The following CRYBG3 variants were observed in gnomAD, a reference collection of about 807,000 sequenced individuals.
CRYBG3 encodes very large A-kinase anchor protein.
Under a neutral mutation model 244.2 loss-of-function variants are expected in CRYBG3, and 127 were observed. That is an observed-to-expected ratio of 0.52 (90% CI 0.45 to 0.60). The LOEUF is 0.60. Ranked by LOEUF, CRYBG3 falls within the 20% of genes least tolerant of loss-of-function variation. The pLI is 0.00. For synonymous variants in CRYBG3, 1,132 were observed against 1,195.8 expected (o/e 0.95, Z 1.10); for missense variants, 3,325 against 3,442.5 (o/e 0.97, Z 0.85).
At chr3:97,899,313 A>C (rs771338839) in intron 14 of CRYBG3, 50 bp downstream of exon 14, 1 of 1,556,348 alleles carries the variant, frequency 6.4e-7, no homozygotes, top group Non-Finnish European at 8.7e-7. Flanking sequence ...ATAGTATGCA[A>C]TTAAATATGT....
At chr3:97,942,223 C>A in intron 20 of CRYBG3, 61 bp from the exon 21 acceptor site, 1 of 1,471,122 alleles carries the variant, frequency 6.8e-7, no homozygotes, top group South Asian at 1.3e-5. Context: ...TAAAAGGGAC[C>A]TAATTCAACT....
chr3:97,845,583 C>A (rs759447808), intron 2 of CRYBG3, among the ~76,000 whole-genome samples: 5 of 152,182 alleles, frequency 3.3e-5, no homozygotes, highest in Admixed American at 1.3e-4. Flanking sequence ...GCTTCATTCA[C>A]ATCTACTTTG....
rs558158852 is a variant in CRYBG3, at chr3:97,831,766, C to T, written c.149+9411C>T. On this transcript the variant is annotated intron_variant, in intron 1 of 21. Coordinates refer to ENST00000389622, the MANE Select transcript of CRYBG3 (RefSeq NM_153605.4). Reference sequence around the variant, plus strand: ...TAGAAGATAACATTTGAAATGTTCCCGACACAAAGAAACGATAAAAGTTTT... The same window carrying T: ...TAGAAGATAACATTTGAAATGTTCCTGACACAAAGAAACGATAAAAGTTTT... Among the ~76,000 whole-genome samples, 15 of 152,028 alleles carry T rather than the reference C, an allele frequency of 9.9e-5. No individual in the cohort carries two copies. In the South Asian group the frequency reaches 1.9e-3, roughly 19 times the overall value.
At chr3:97,940,977 G>A (rs1235279389) in intron 19 of CRYBG3, among the ~76,000 whole-genome samples, 171 bp from the exon 20 acceptor site, 1 of 151,826 alleles carries the variant, frequency 6.6e-6, no homozygotes, top group Non-Finnish European at 1.5e-5. Context: ...TATGCTCCAC[G>A]GCCTAAGGAT....
chr3:97,938,040 G>A (rs1242633587), intron 19 of CRYBG3, among the ~76,000 whole-genome samples: 1 of 151,990 alleles, frequency 6.6e-6, no homozygotes, highest in Non-Finnish European at 1.5e-5. Flanking sequence ...ATGGAAGGTG[G>A]AAAACCCAAG....
chr3:97,864,155 C>T (rs1280313506), intron 2 of CRYBG3, 62 bp from the exon 3 acceptor site: 5 of 1,267,238 alleles, frequency 3.9e-6, no homozygotes, highest in African/African-American at 1.5e-5. Context: ...TTTATAATAG[C>T]TTATCAGTCT....
intron 16 of CRYBG3, among the ~76,000 whole-genome samples, chr3:97,913,488 G>A (rs912390980): frequency 1.3e-5 from 2 of 152,134 alleles, no homozygotes; most frequent in African/African-American, 4.8e-5. Flanking sequence ...AAACCAATAG[G>A]CACAGCTGCG....
At chr3:97,827,021 G>A (rs2038586906) in intron 1 of CRYBG3, among the ~76,000 whole-genome samples, 1 of 152,198 alleles carries the variant, frequency 6.6e-6, no homozygotes, top group South Asian at 2.1e-4. Flanking sequence ...CAGCATAGTG[G>A]GGGAAACATG....
chr3:97,940,116 G>GATGTTGGGTGTC (rs1307950993), intron 19 of CRYBG3, among the ~76,000 whole-genome samples: 1 of 152,126 alleles, frequency 6.6e-6, no homozygotes, highest in East Asian at 1.9e-4. Context: ...CAAAGGTGGG[G>GATGTTGGGTGTC]ATGTTGGGTG....
chr3:97,822,462 C>T lies in CRYBG3; in HGVS notation c.149+107C>T, dbSNP rs377564921. ...GCCGCTCTTGGGCCAGGCTGCAGTTCGCTCGCCACTTTCTGTTCTCCTTCC... is the reference window on the plus strand; with the variant it reads ...GCCGCTCTTGGGCCAGGCTGCAGTTTGCTCGCCACTTTCTGTTCTCCTTCC... On this transcript the variant is annotated intron_variant, in intron 1 of 21. Coordinates refer to ENST00000389622, the MANE Select transcript of CRYBG3 (RefSeq NM_153605.4). 9.6e-5 allele frequency: 104 copies of T among 1,080,122 alleles called. 1 individual carries two copies. The East Asian group carries it at 1.3e-3, about 14-fold the overall frequency. The allele number at this position is 1,080,122 out of a possible 1,614,324, so 66.9% of individuals were successfully genotyped here. A position where few individuals can be genotyped will look rare whatever the true frequency, so the allele number is the denominator to read the frequency against.
intron 2 of CRYBG3, among the ~76,000 whole-genome samples, chr3:97,853,812 G>A (rs2039024058): frequency 6.6e-6 from 1 of 150,996 alleles, no homozygotes; most frequent in African/African-American, 2.4e-5. Flanking sequence ...GTTTTGATTT[G>A]CATTTCCCTG....
chr3:97,934,225 T>C (rs1345549279), intron 18 of CRYBG3, among the ~76,000 whole-genome samples: 1 of 152,102 alleles, frequency 6.6e-6, no homozygotes, highest in Non-Finnish European at 1.5e-5. Context: ...ACCAGTATTG[T>C]TGTTCATTTA....
At chr3:97,832,788 C>A (rs911785872) in intron 1 of CRYBG3, among the ~76,000 whole-genome samples, 1 of 152,146 alleles carries the variant, frequency 6.6e-6, no homozygotes, top group African/African-American at 2.4e-5. Flanking sequence ...AGGCAACCTA[C>A]AGGATGGGAG....
chr3:97,872,191 T>C lies in CRYBG3; in HGVS notation c.997T>C (p.Leu333=). Residue 333 remains leucine, a synonymous_variant, in exon 4 of 22, where the codon TTA becomes CTA. Coordinates refer to ENST00000389622, the MANE Select transcript of CRYBG3 (RefSeq NM_153605.4). ...LQNIASSNNL[L]NKNAWGSIER... ...GAATATTGCCTCTTCCAATAATCTT[T>C]TAAATAAAAATGCTTGGGGGAGTAT... 1 of 1,535,802 alleles carries C rather than the reference T, an allele frequency of 6.5e-7. No homozygotes were observed.
intron 2 of CRYBG3, among the ~76,000 whole-genome samples, chr3:97,844,701 G>A (rs955400993): frequency 1.3e-5 from 2 of 152,162 alleles, no homozygotes; most frequent in Non-Finnish European, 2.9e-5. Flanking sequence ...ATTTCCAGTA[G>A]TGCTGTTTTC....
Position 97,879,713 on chromosome 3 carries a change from A to C in CRYBG3, c.6853A>C (p.Lys2285Gln), listed in dbSNP as rs1180694073. 1 of 1,603,410 alleles carries C rather than the reference A, an allele frequency of 6.2e-7. No individual in the cohort carries two copies. Among genetic ancestry groups the C allele is most frequent in the South Asian group, 1.1e-5 (1 of 88,198 alleles). Residue 2285 changes from lysine to glutamine, a missense_variant, in exon 5 of 22, where the codon AAA becomes CAA. By Grantham distance (53) the Lys-to-Gln change is moderately conservative. This residue lies in a region of CRYBG3 where 450 missense variants were observed against 424.1 expected (regional missense o/e 1.06). Transcript: ENST00000389622. ...ACTTTTATTATTTCAGAATGTTGAC[A>C]AACAAACTCTGAGATGTAACCCAAG... ...RLSPFIENVD[K>Q]QTLRCNPRPG...
At chr3:97,864,123 C>T in intron 2 of CRYBG3, 94 bp from the exon 3 acceptor site, 1 of 982,292 alleles carries the variant, frequency 1.0e-6, no homozygotes, top group Non-Finnish European at 1.5e-6. Flanking sequence ...AAATGTATCC[C>T]TGGTGTCTAC....
At chr3:97,838,160 G>GT (rs1223084078) in intron 1 of CRYBG3, among the ~76,000 whole-genome samples, 1 of 152,116 alleles carries the variant, frequency 6.6e-6, no homozygotes, top group South Asian at 2.1e-4. Flanking sequence ...GTCCCACCCT[G>GT]TACTTTCAGT....
intron 15 of CRYBG3, 24 bp from the exon 16 acceptor site, chr3:97,912,143 A>T (rs902981383): frequency 2.3e-6 from 3 of 1,294,928 alleles, no homozygotes; most frequent in Admixed American, 4.4e-5. Flanking sequence ...TTTCTATTTA[A>T]CTGTTGTGTT....
Sources: gnomAD v4.1 joint callset for allele counts (sites outside exome capture counted in the v4.1 genomes callset) on GRCh38, gnomAD v4.1.1 for gene constraint, gnomAD v4.1.1 regional missense constraint, MANE v1.5 for transcripts, NCBI Gene and HGNC (gene_info 2026-07-23, HGNC 2026-07-21) for gene names.